The following SMARCC1 variants were observed in gnomAD, a reference collection of about 807,000 sequenced individuals.
The protein encoded by SMARCC1 is SWI/SNF related BAF chromatin remodeling complex subunit C1, also known as SWI/SNF complex subunit SMARCC1.
SMARCC1 carries 43 observed loss-of-function variants against 147.4 expected under a neutral mutation model. That is an observed-to-expected ratio of 0.29 (90% confidence interval 0.23 to 0.38). The LOEUF (loss-of-function observed/expected upper bound fraction) is 0.38, where lower values mean the gene tolerates loss of function less well. Among genes scored for constraint, SMARCC1 ranks in the 10% least tolerant of loss-of-function variants. SMARCC1 has a pLI of 1.00. For synonymous variants in SMARCC1, 495 were observed against 484.4 expected (o/e 1.02, Z -0.29); for missense variants, 1,119 against 1,381.1 (o/e 0.81, Z 3.01).
intron 21 of SMARCC1, among the ~76,000 whole-genome samples, chr3:47,658,207 G>C (rs993493685): frequency 2.6e-5 from 4 of 152,130 alleles, no homozygotes; most frequent in African/African-American, 9.7e-5. Flanking sequence ...CAACAGTTAT[G>C]AGAGAACACT....
chr3:47,610,630 T>C (rs61675361), intron 25 of SMARCC1: 118,329 of 387,536 alleles, frequency 0.31, 19,431 homozygotes, highest in South Asian at 0.43. Context: ...ATCCCCTCTA[T>C]GTTTGGCAGG....
chr3:47,775,251 C>G (rs1379004748), intron 1 of SMARCC1, among the ~76,000 whole-genome samples: 1 of 151,108 alleles, frequency 6.6e-6, no homozygotes, highest in Non-Finnish European at 1.5e-5. Context: ...AGCTCTGCCC[C>G]CCAGGTTCAC....
At chr3:47,707,801 C>T (rs1411353939) in intron 9 of SMARCC1, among the ~76,000 whole-genome samples, 2 of 152,160 alleles carry the variant, frequency 1.3e-5, no homozygotes, top group African/African-American at 4.8e-5. Flanking sequence ...ATAGCTTGTG[C>T]TCCGAAGGTC....
At chr3:47,719,248 A>C (rs2034200982) in intron 7 of SMARCC1, among the ~76,000 whole-genome samples, 1 of 152,052 alleles carries the variant, frequency 6.6e-6, no homozygotes, top group South Asian at 2.1e-4. Flanking sequence ...TCTTGTTTAT[A>C]ATACTCGTTA....
intron 14 of SMARCC1, among the ~76,000 whole-genome samples, chr3:47,683,193 C>A (rs2033676279): frequency 6.6e-6 from 1 of 152,142 alleles, no homozygotes; most frequent in South Asian, 2.1e-4. Context: ...CACGCGCCCG[C>A]CACCACGCCC....
chr3:47,619,058 A>C (rs2032689671), intron 25 of SMARCC1, among the ~76,000 whole-genome samples: 1 of 152,172 alleles, frequency 6.6e-6, no homozygotes, highest in African/African-American at 2.4e-5. Flanking sequence ...GAAGCTTATT[A>C]GGGAAAAATA....
At chr3:47,710,635 G>A in intron 9 of SMARCC1, 48 bp downstream of exon 9, 3 of 1,590,070 alleles carry the variant, frequency 1.9e-6, no homozygotes, top group Non-Finnish European at 2.6e-6. Flanking sequence ...ATAACATTTA[G>A]GCCAAGAAGA....
At chr3:47,687,778 A>T (rs982353904) in intron 13 of SMARCC1, among the ~76,000 whole-genome samples, 4 of 152,180 alleles carry the variant, frequency 2.6e-5, no homozygotes, top group Non-Finnish European at 4.4e-5. Context: ...ACTTTTTATT[A>T]AAAAAAGAGT....
At chr3:47,741,497 G>T (rs146369296) in intron 3 of SMARCC1, among the ~76,000 whole-genome samples, 1,614 of 150,638 alleles carry the variant, frequency 0.011, 12 homozygotes, top group Non-Finnish European at 0.017. Context: ...GGCTGGAAAT[G>T]AGGTCTATTC....
At chr3:47,737,952 C>A in intron 4 of SMARCC1, 77 bp downstream of exon 4, 1 of 1,028,420 alleles carries the variant, frequency 9.7e-7, no homozygotes, top group Non-Finnish European at 1.4e-6. Flanking sequence ...CATGAGCCAC[C>A]GCGCCTGGCC....
intron 2 of SMARCC1, among the ~76,000 whole-genome samples, chr3:47,764,502 G>A (rs1012963668): frequency 6.6e-6 from 1 of 152,140 alleles, no homozygotes; most frequent in Non-Finnish European, 1.5e-5. Context: ...TTCTACCTAC[G>A]AATCCACATG....
At chr3:47,740,830 G>A (rs2034500735) in intron 3 of SMARCC1, among the ~76,000 whole-genome samples, 1 of 139,694 alleles carries the variant, frequency 7.2e-6, no homozygotes. Flanking sequence ...CAGCCTGGGC[G>A]ACAGAGGGAG....
chr3:47,749,182 C>T (rs2034599639), intron 2 of SMARCC1, among the ~76,000 whole-genome samples: 1 of 151,648 alleles, frequency 6.6e-6, no homozygotes, highest in South Asian at 2.1e-4. Context: ...CACGCACCTG[C>T]AGTCCCAGCT....
chr3:47,613,163 T>C (rs949684444), intron 25 of SMARCC1, among the ~76,000 whole-genome samples: 1 of 152,152 alleles, frequency 6.6e-6, no homozygotes, highest in Non-Finnish European at 1.5e-5. Context: ...TATGTATGCA[T>C]GTGTAAGGAT....
At chr3:47,734,508 C>A (rs1180946858) in intron 5 of SMARCC1, among the ~76,000 whole-genome samples, 1 of 152,172 alleles carries the variant, frequency 6.6e-6, no homozygotes, top group Non-Finnish European at 1.5e-5. Flanking sequence ...AAAGACATTT[C>A]ATGAGGCTTC....
intron 21 of SMARCC1, among the ~76,000 whole-genome samples, chr3:47,656,692 A>T (rs376970697): frequency 6.6e-6 from 1 of 152,308 alleles, no homozygotes; most frequent in East Asian, 1.9e-4. Context: ...ACATGGGTGG[A>T]TCACTTGAGC....
chr3:47,710,574 T>C (rs1399339699), intron 9 of SMARCC1, 109 bp downstream of exon 9: 6 of 1,078,910 alleles, frequency 5.6e-6, no homozygotes, highest in African/African-American at 1.6e-5. Context: ...ATCAGGCAGA[T>C]GTGAAAGTTC....
intron 2 of SMARCC1, among the ~76,000 whole-genome samples, chr3:47,767,784 T>C (rs1005603050): frequency 2.0e-5 from 3 of 151,312 alleles, no homozygotes; most frequent in African/African-American, 7.3e-5. Context: ...AGGAGAATAG[T>C]TTGAACCCGG....
At chr3:47,680,217 G>T (rs950997033) in intron 15 of SMARCC1, 5 of 443,816 alleles carry the variant, frequency 1.1e-5, no homozygotes, top group Non-Finnish European at 2.0e-5. Context: ...GTGAGACCCT[G>T]TCTCAAACAA....
Sources: gnomAD v4.1 joint callset for allele counts (sites outside exome capture counted in the v4.1 genomes callset) on GRCh38, gnomAD v4.1.1 for gene constraint, MANE v1.5 for transcripts, NCBI Gene and HGNC (gene_info 2026-07-23, HGNC 2026-07-21) for gene names.